The following USP24 variants were observed in gnomAD, a reference collection of about 807,000 sequenced individuals.
USP24 encodes ubiquitin specific peptidase 24.
A neutral mutation model predicts 361.6 loss-of-function variants in USP24; 97 were observed. The observed-to-expected ratio is 0.27, with a 90% CI of 0.23 to 0.32. USP24 has a LOEUF of 0.32. Among genes scored for constraint, USP24 ranks in the 10% least tolerant of loss-of-function variants. The pLI, the probability that USP24 is intolerant of heterozygous loss-of-function variation, is 1.00. For synonymous variants in USP24, 1,098 were observed against 1,124.6 expected (o/e 0.98, Z 0.47); for missense variants, 2,353 against 3,165.6 (o/e 0.74, Z 6.16).
At chr1:55,208,938 A>AAAAAC (rs1381419652) in intron 1 of USP24, among the ~76,000 whole-genome samples, 1 of 152,184 alleles carries the variant, frequency 6.6e-6, no homozygotes, top group East Asian at 1.9e-4. Context: ...TCCATCTTAA[A>AAAAAC]AAAACAAAAC....
At chr1:55,137,372 G>A in intron 28 of USP24, 143 bp downstream of exon 28, 1 of 1,107,394 alleles carries the variant, frequency 9.0e-7, no homozygotes, top group East Asian at 2.7e-5. Flanking sequence ...GGGATGAAGA[G>A]ATTTTTTTAA....
chr1:55,199,541 T>A (rs1644507607), intron 1 of USP24, among the ~76,000 whole-genome samples: 1 of 151,778 alleles, frequency 6.6e-6, no homozygotes, highest in Non-Finnish European at 1.5e-5. Flanking sequence ...TATTTAGGAG[T>A]CAGATGTCTT....
At chr1:55,116,621 A>C (rs754218074) in intron 38 of USP24, among the ~76,000 whole-genome samples, 3 of 152,060 alleles carry the variant, frequency 2.0e-5, no homozygotes, top group African/African-American at 4.8e-5. Flanking sequence ...AGGAAGAAAC[A>C]GAAAAGGTAA....
chr1:55,141,650 G>A lies in USP24; in HGVS notation c.2716C>T (p.Pro906Ser). 6.2e-7 allele frequency: 1 copy of A among 1,612,242 alleles called. No homozygotes were observed. Residue 906 changes from proline (P) to serine (S), a missense_variant, in exon 24 of 68, where the codon CCA becomes TCA. Transcript: ENST00000294383. The part of the protein sequence containing the change: ...ATKMLTATAM[P>S]TVATSVQSPY... ...GACTGAACTGAGGTTGCTACAGTTG[G>A]CATGGCAGTTGCTGTAAGCATTTTT...
chr1:55,210,626 G>T (rs72662510), intron 1 of USP24, among the ~76,000 whole-genome samples: 25,446 of 151,982 alleles, frequency 0.17, 2,219 homozygotes, highest in Non-Finnish European at 0.2. Context: ...ATAGGAATGA[G>T]GTAAGTTAAG....
Position 55,162,211 on chromosome 1 carries a change from G to A in USP24, c.981C>T (p.Ser327=). 6.3e-7 allele frequency: 1 copy of A among 1,594,834 alleles called. No individual in the cohort carries two copies. The highest frequency in any genetic ancestry group is 8.5e-7 in the Non-Finnish European group (1 of 1,172,100). The change falls in exon 8 of 68, where the codon TCC becomes TCT. Residue 327 remains serine, a synonymous_variant. Coordinates refer to ENST00000294383, the MANE Select transcript of USP24 (RefSeq NM_015306.3). ...PLGVCAEYLN[S]SVVQPMLDPV... ...GGTTTAATCCTACCTGTACCACGGA[G>A]GAATTGAGGTACTCTGCACACACTC...
At chr1:55,072,640 CA>C in intron 65 of USP24, 145 bp downstream of exon 65, 1 of 879,206 alleles carries the variant, frequency 1.1e-6, no homozygotes, top group Non-Finnish European at 1.7e-6. Context: ...TTAATGCACA[CA>C]AGATATAAAC....
intron 55 of USP24, among the ~76,000 whole-genome samples, chr1:55,086,959 T>C (rs899750771): frequency 1.3e-5 from 2 of 152,208 alleles, no homozygotes; most frequent in African/African-American, 4.8e-5. Flanking sequence ...TTCATGTTAG[T>C]AGTCTGAATT....
Position 55,078,556 on chromosome 1 carries a change from T to C in USP24, c.7296A>G (p.Thr2432=), listed in dbSNP as rs1570348384. The C allele has an allele frequency of 6.2e-7, 1 of 1,611,446 alleles. No individual in the cohort carries two copies. The highest frequency in any genetic ancestry group is 8.5e-7 in the Non-Finnish European group (1 of 1,179,058). Residue 2432 remains threonine (T), a synonymous_variant, in exon 61 of 68, where the codon ACA becomes ACG. Transcript: ENST00000294383. ...CCFCNEHFSF[T]MLHFIKNQLE... Reference sequence around the variant, plus strand: ...GTCTTACCTTAATGAAATGCAGCATTGTGAAGGAAAAATGCTCATTACAGA... The same window carrying C: ...GTCTTACCTTAATGAAATGCAGCATCGTGAAGGAAAAATGCTCATTACAGA...
chr1:55,189,883 T>A (rs561507291), intron 1 of USP24, among the ~76,000 whole-genome samples: 1 of 151,766 alleles, frequency 6.6e-6, no homozygotes, highest in African/African-American at 2.4e-5. Context: ...TATTATTATA[T>A]AAGGCCAGGC....
chr1:55,095,308 T>A lies in USP24; in HGVS notation c.6150A>T (p.Leu2050Phe). 6.2e-7 allele frequency: 1 copy of A among 1,613,724 alleles called. No individual in the cohort carries two copies. Among genetic ancestry groups the A allele is most frequent in the Non-Finnish European group, 8.5e-7 (1 of 1,179,798 alleles). Residue 2050 changes from leucine to phenylalanine, a missense_variant, in exon 51 of 68, where the codon TTA becomes TTT. This residue lies in a region of USP24 where 598 missense variants were observed against 761.9 expected (regional missense o/e 0.78). Transcript: ENST00000294383. Reference protein sequence around the residue: ...QRVSDQNSPVLPKKSRVSVVR... With the variant: ...QRVSDQNSPVFPKKSRVSVVR... ...CAACGCTGACTCGACTTTTCTTTGG[T>A]AATACTGGGGAGTTCTGATCAGACA...
intron 39 of USP24, 140 bp from the exon 40 acceptor site, chr1:55,107,570 G>A (rs569873492): frequency 7.7e-5 from 80 of 1,040,574 alleles, no homozygotes; most frequent in African/African-American, 5.4e-4. Context: ...AAGGCCAGGC[G>A]AGCTGGCTCA....
At chr1:55,163,401 T>C (rs1335926599) in intron 7 of USP24, among the ~76,000 whole-genome samples, 1 of 151,810 alleles carries the variant, frequency 6.6e-6, no homozygotes, top group Non-Finnish European at 1.5e-5. Context: ...AAGCTTAATA[T>C]AAAAATAATT....
rs1054859029 is a variant in USP24 at position 55,212,407 on chromosome 1, C to T, written c.324+2383G>A. 3.3e-5 allele frequency among the ~76,000 whole-genome samples: 5 copies of T among 152,246 alleles called. No homozygotes were observed. The South Asian group carries it at 1.0e-3, about 32-fold the overall frequency. On this transcript the variant is annotated intron_variant, in intron 1 of 67. Coordinates refer to ENST00000294383, the MANE Select transcript of USP24 (RefSeq NM_015306.3). The stretch of plus-strand genomic sequence containing the variant: ...CTTTGAAGTCAAAGAGACCTGGGTT[C>T]AAATTCAGCCCCTGCCACCCACTAC...
intron 1 of USP24, among the ~76,000 whole-genome samples, chr1:55,179,435 C>T (rs944367335): frequency 2.0e-5 from 3 of 152,194 alleles, no homozygotes; most frequent in Non-Finnish European, 2.9e-5. Flanking sequence ...CTGTAGATGA[C>T]TCATACATTT....
intron 7 of USP24, among the ~76,000 whole-genome samples, chr1:55,163,375 T>C (rs910600801): frequency 6.6e-6 from 1 of 151,660 alleles, no homozygotes; most frequent in Non-Finnish European, 1.5e-5. Flanking sequence ...ATATGCAAAA[T>C]AGATACAGCA....
chr1:55,091,502 G>C (rs548544565), intron 54 of USP24, among the ~76,000 whole-genome samples: 1 of 152,176 alleles, frequency 6.6e-6, no homozygotes, highest in South Asian at 2.1e-4. Flanking sequence ...AACCTTTCAC[G>C]ATCTCCCACT....
chr1:55,147,104 T>C (rs761732488), intron 18 of USP24, 44 bp from the exon 19 acceptor site: 3 of 1,493,952 alleles, frequency 2.0e-6, no homozygotes, highest in Non-Finnish European at 2.7e-6. Context: ...CAGGCATTCA[T>C]TCCTAAAAGC....
At chr1:55,194,175 T>C (rs1377884831) in intron 1 of USP24, among the ~76,000 whole-genome samples, 1 of 152,232 alleles carries the variant, frequency 6.6e-6, no homozygotes, top group African/African-American at 2.4e-5. Context: ...AACTTAAAGC[T>C]CTAGATAAAC....
Sources: allele counts gnomAD v4.1 joint callset (sites outside exome capture counted in the v4.1 genomes callset), GRCh38; gene constraint gnomAD v4.1.1; regional missense constraint gnomAD v4.1.1; transcripts MANE v1.5; gene names NCBI Gene and HGNC (gene_info 2026-07-23, HGNC 2026-07-21).